TMEM165: variants seen among roughly 807,000 people sequenced by gnomAD.
TMEM165 encodes transmembrane protein 165, also known as putative divalent cation/proton antiporter TMEM165.
TMEM165 carries 19 observed loss-of-function variants against 30.0 expected under a neutral mutation model. That is an observed-to-expected ratio of 0.63 (90% CI 0.44 to 0.93). TMEM165 has a LOEUF of 0.93. Among genes scored for constraint, TMEM165 ranks in the 40% least tolerant of loss-of-function variants. TMEM165 has a pLI of 0.00. For missense variants in TMEM165, 340 were observed against 417.0 expected (o/e 0.82, Z 1.61); for synonymous variants, 168 against 162.9 (o/e 1.03, Z -0.24).
intron 3 of TMEM165, among the ~76,000 whole-genome samples, chr4:55,440,278 G>A (rs139648665): frequency 2.2e-3 from 328 of 152,130 alleles, no homozygotes; most frequent in African/African-American, 7.2e-3. Context: ...ATTCATCAAC[G>A]CAGCATAGCG....
At chr4:55,415,746 T>C (rs1257132750) in intron 2 of TMEM165, 1 of 152,228 alleles carries the variant, frequency 6.6e-6, no homozygotes. Context: ...AGTTTTGTAA[T>C]GTAGGGAATT....
At chr4:55,426,697 TACAAAGG>T (rs1722216027), downstream of TMEM165, among the ~76,000 whole-genome samples, 1 of 152,224 alleles carries the variant, frequency 6.6e-6, no homozygotes, top group African/African-American at 2.4e-5. Flanking sequence ...TATGAGCTAC[TACAAAGG>T]TCCACAATGT....
At chr4:55,450,962 CT>C (rs1351047370) in intron 3 of TMEM165, among the ~76,000 whole-genome samples, 2 of 151,988 alleles carry the variant, frequency 1.3e-5, no homozygotes, top group Admixed American at 6.6e-5. Flanking sequence ...CGACACTAAT[CT>C]TTCCCTTCAC....
chr4:55,414,922 C>T (rs781570628), intron 2 of TMEM165, among the ~76,000 whole-genome samples: 4 of 152,166 alleles, frequency 2.6e-5, no homozygotes, highest in Non-Finnish European at 5.9e-5. Flanking sequence ...TCTGGAAGCA[C>T]ATGGTGTCCA....
At chr4:55,417,277 A>G in intron 3 of TMEM165, 30 bp downstream of exon 3, 1 of 1,596,220 alleles carries the variant, frequency 6.3e-7, no homozygotes. Context: ...ATCTGGACCA[A>G]AAAGGCACTC....
At chr4:55,452,846 C>G in exon 4 of TMEM165, 3 of 453,610 alleles carry the variant, frequency 6.6e-6, no homozygotes, top group South Asian at 2.9e-5. Context: ...GTTTTGAGAT[C>G]AGACACATCT....
intron 3 of TMEM165, among the ~76,000 whole-genome samples, chr4:55,449,685 T>C (rs1724249511): frequency 6.6e-6 from 1 of 152,062 alleles, no homozygotes; most frequent in African/African-American, 2.4e-5. Flanking sequence ...ACAAAGAAAA[T>C]AGTTGAAATA....
At chr4:55,426,992 A>ATTGT (rs745430857), downstream of TMEM165, among the ~76,000 whole-genome samples, 45 of 151,364 alleles carry the variant, frequency 3.0e-4, no homozygotes, top group African/African-American at 8.3e-4. Context: ...ATTGCCTTAG[A>ATTGT]TTGTTTGTTT....
chr4:55,407,810 C>T (rs746863140), intron 1 of TMEM165, among the ~76,000 whole-genome samples: 13 of 152,204 alleles, frequency 8.5e-5, no homozygotes, highest in Non-Finnish European at 1.8e-4. Flanking sequence ...TGTGGCACTA[C>T]AAAAACTAAT....
chr4:55,407,599 G>T (rs551418981), intron 1 of TMEM165, among the ~76,000 whole-genome samples: 11 of 152,260 alleles, frequency 7.2e-5, no homozygotes, highest in African/African-American at 2.6e-4. Flanking sequence ...CTTTGTGGCT[G>T]CATGATTTTT....
chr4:55,431,554 A>G (rs1722502774), intron 3 of TMEM165: 2 of 152,042 alleles, frequency 1.3e-5, no homozygotes, highest in African/African-American at 4.8e-5. Flanking sequence ...TGTCCTGGCT[A>G]GAAAGACTCA....
chr4:55,405,434 T>A (rs1721229064), intron 1 of TMEM165, among the ~76,000 whole-genome samples: 1 of 142,154 alleles, frequency 7.0e-6, no homozygotes, highest in South Asian at 2.2e-4. Context: ...TAAACTCTGG[T>A]GATCCATTTC....
intron 1 of TMEM165, among the ~76,000 whole-genome samples, chr4:55,402,384 CGTGCGTGT>C (rs1721034732): frequency 1.8e-5 from 1 of 56,644 alleles, no homozygotes; most frequent in African/African-American, 7.1e-5. Context: ...TGTTTAAGTG[CGTGCGTGT>C]GTGTGTGTGT....
chr4:55,414,004 C>T (rs1721620372), intron 2 of TMEM165, among the ~76,000 whole-genome samples: 1 of 152,168 alleles, frequency 6.6e-6, no homozygotes, highest in Non-Finnish European at 1.5e-5. Flanking sequence ...CGCGGTGGCT[C>T]ACGCCTGTGA....
intron 1 of TMEM165, among the ~76,000 whole-genome samples, chr4:55,400,215 A>G (rs1452743075): frequency 1.2e-4 from 2 of 16,640 alleles, no homozygotes. Context: ...TTATATTTAT[A>G]TTATATATTA....
chr4:55,427,508 A>AATT (rs1340473836), downstream of TMEM165, among the ~76,000 whole-genome samples: 5 of 149,944 alleles, frequency 3.3e-5, no homozygotes, highest in African/African-American at 1.2e-4. Flanking sequence ...ACGCCTGGCT[A>AATT]ATTTTTTTGT....
intron 3 of TMEM165, chr4:55,438,502 A>C: frequency 1.2e-6 from 2 of 1,613,774 alleles, no homozygotes; most frequent in Non-Finnish European, 8.5e-7. Context: ...AGGAGCAGTC[A>C]CTAATTTGGT....
chr4:55,418,243 G>C, intron 4 of TMEM165: 1 of 352,458 alleles, frequency 2.8e-6, no homozygotes, highest in Non-Finnish European at 5.0e-6. Flanking sequence ...ATGATGCCGT[G>C]GTACTTGTCA....
rs773494886 is a variant in TMEM165, at chr4:55,403,244, GT to G, written c.207+6855del. The G allele has an allele frequency of 4.7e-6, 6 of 1,287,938 alleles. No individual in the cohort carries two copies. The South Asian group carries it at 6.2e-5, about 13-fold the overall frequency. The allele number at this position is 1,287,938 out of a possible 1,614,324, so 79.8% of individuals were successfully genotyped here. A position where few individuals can be genotyped will look rare whatever the true frequency, so the allele number is the denominator to read the frequency against. On this transcript the variant is annotated intron_variant, in intron 1 of 5. Coordinates refer to ENST00000381334, the MANE Select transcript of TMEM165 (RefSeq NM_018475.5). ...TTTCTGTTTTTTTGCAGGGACATCAGTTTTTTTCTTGGTAGCAAGCTGTAGA... is the reference window on the plus strand; with the variant it reads ...TTTCTGTTTTTTTGCAGGGACATCAGTTTTTTCTTGGTAGCAAGCTGTAGA...
Sources: gnomAD v4.1 joint callset for allele counts (sites outside exome capture counted in the v4.1 genomes callset) on GRCh38, gnomAD v4.1.1 for gene constraint, MANE v1.5 for transcripts, NCBI Gene and HGNC (gene_info 2026-07-23, HGNC 2026-07-21) for gene names.